The following SLC2A14 variants were observed in gnomAD, a reference collection of about 807,000 sequenced individuals.
SLC2A14 encodes the protein solute carrier family 2 member 14, also known as solute carrier family 2, facilitated glucose transporter member 14.
In SLC2A14, 13 loss-of-function variants were observed where a neutral mutation model predicts 43.0. The ratio of observed to expected loss-of-function variants is 0.30; its 90% CI spans 0.20 to 0.48. SLC2A14 has a LOEUF of 0.48. SLC2A14 is among the 20% of genes least tolerant of loss of function. The probability of loss-of-function intolerance (pLI) is 0.99; values close to 1 mark genes in which losing one functional copy is unlikely to be tolerated. For missense variants in SLC2A14, 428 were observed against 620.4 expected (o/e 0.69, Z 3.29); for synonymous variants, 190 against 233.8 (o/e 0.81, Z 1.71).
chr12:7,877,996 C>G (rs1454318702), upstream of SLC2A14, among the ~76,000 whole-genome samples: 1 of 152,158 alleles, frequency 6.6e-6, no homozygotes, highest in Non-Finnish European at 1.5e-5. Flanking sequence ...CTGCCTCAGC[C>G]TCCAAAAGTG....
chr12:7,882,544 T>A (rs1945603441), intron 1 of SLC2A14, among the ~76,000 whole-genome samples: 1 of 151,982 alleles, frequency 6.6e-6, no homozygotes, highest in Admixed American at 6.6e-5. Context: ...AGATATTTAT[T>A]TGAGGCTAGC....
At chr12:7,876,908 AT>A (rs925281677), upstream of SLC2A14, among the ~76,000 whole-genome samples, 9 of 150,460 alleles carry the variant, frequency 6.0e-5, no homozygotes, top group East Asian at 3.9e-4. Context: ...AGTTCATATA[AT>A]TTTTTTTTCT....
rs139157880 is a variant in SLC2A14 at position 7,828,838 on chromosome 12, G to C, written c.542C>G (p.Ser181Cys). The change falls in exon 6 of 11, where the codon TCT becomes TGT. Residue 181 changes from serine to cysteine, a missense_variant. Coordinates refer to ENST00000431042, the MANE Select transcript of SLC2A14 (RefSeq NM_001286234.2). ...TAATAGCACCGGCCATAGCTCTTCA[G>C]ACCCAAGGATGAGTTCCAGACCAAA... ...QIFGLELILGSEELWPVLLGF... is the reference protein window; with the variant it reads ...QIFGLELILGCEELWPVLLGF... The C allele has an allele frequency of 6.2e-7, 1 of 1,614,126 alleles. No homozygotes were observed. The highest frequency in any genetic ancestry group is 2.2e-5 in the East Asian group (1 of 44,880).
In SLC2A14 at chr12:7,816,355, C is replaced by T. The variant is rs1177531249; in HGVS notation, c.1275+1476G>A. On this transcript the variant is annotated intron_variant, in intron 10 of 10. Transcript: ENST00000431042. ...TCCTGACCTCATGATCCACCCGCCTCGGCCTCCCAAAGTGCTGGGATTACA... is the reference window on the plus strand; with the variant it reads ...TCCTGACCTCATGATCCACCCGCCTTGGCCTCCCAAAGTGCTGGGATTACA... Among the ~76,000 whole-genome samples the T allele has an allele frequency of 4.2e-5, 2 of 47,888 alleles. 1 individual carries two copies. Among genetic ancestry groups the T allele is most frequent in the Non-Finnish European group, 8.1e-5 (2 of 24,626 alleles). 31.4% of individuals were successfully genotyped at this position (47,888 alleles called of 152,430 possible).
At chr12:7,875,099 A>AATAGTTAAAT (rs1565585582), upstream of SLC2A14, among the ~76,000 whole-genome samples, 1 of 15,178 alleles carries the variant, frequency 6.6e-5, no homozygotes, top group Non-Finnish European at 1.9e-4. Context: ...TTTAAATTTA[A>AATAGTTAAAT]ATATTTAAAT....
At chr12:7,879,606 C>T (rs572460279) in intron 1 of SLC2A14, among the ~76,000 whole-genome samples, 1 of 151,928 alleles carries the variant, frequency 6.6e-6, no homozygotes, top group Non-Finnish European at 1.5e-5. Context: ...ATCGCTTGAA[C>T]CCTGGAGGTG....
At chr12:7,830,276 C>T (rs111375076) in intron 4 of SLC2A14, among the ~76,000 whole-genome samples, 10 of 152,014 alleles carry the variant, frequency 6.6e-5, no homozygotes, top group Non-Finnish European at 1.0e-4. Context: ...CTCATACTCC[C>T]GAGTAGCTGG....
intron 1 of SLC2A14, among the ~76,000 whole-genome samples, chr12:7,883,570 T>C (rs1301749797): frequency 2.4e-5 from 3 of 126,914 alleles, no homozygotes; most frequent in Admixed American, 1.7e-4. Flanking sequence ...CCGGCCTCTT[T>C]TTCTTTTTCT....
chr12:7,866,469 A>G lies in SLC2A14; in HGVS notation c.18+3394T>C, dbSNP rs373855441. On this transcript the variant is annotated intron_variant, in intron 2 of 10. Coordinates refer to ENST00000431042, the MANE Select transcript of SLC2A14 (RefSeq NM_001286234.2). ...AACCTCCACCTCCTGGGTTCAAGCT[A>G]TTGTCCTGCCTCAGCCTCCCAAGTA... is the stretch of plus-strand genomic sequence containing the variant. Among the ~76,000 whole-genome samples, 4 of 151,980 alleles carry G rather than the reference A, an allele frequency of 2.6e-5. No homozygotes were observed. In the East Asian group the frequency reaches 5.9e-4, roughly 22 times the overall value.
intron 2 of SLC2A14, among the ~76,000 whole-genome samples, chr12:7,839,379 G>C (rs1035412094): frequency 6.6e-6 from 1 of 151,740 alleles, no homozygotes; most frequent in Non-Finnish European, 1.5e-5. Context: ...TGCTTGGCAG[G>C]GTGTCAAAAG....
intron 10 of SLC2A14, among the ~76,000 whole-genome samples, chr12:7,814,999 CAT>C (rs1863307854): frequency 6.6e-6 from 1 of 151,874 alleles, no homozygotes; most frequent in South Asian, 2.1e-4. Context: ...GGGGTTTCAC[CAT>C]ATTGGCCAGG....
chr12:7,887,152 T>A (rs1945701345), intron 1 of SLC2A14, among the ~76,000 whole-genome samples: 1 of 152,036 alleles, frequency 6.6e-6, no homozygotes, highest in Admixed American at 6.6e-5. Context: ...CCTCTGGTGA[T>A]CCACCAACCT....
intron 3 of SLC2A14, 75 bp from the exon 4 acceptor site, chr12:7,831,839 T>G: frequency 6.4e-7 from 1 of 1,572,884 alleles, no homozygotes; most frequent in Admixed American, 1.7e-5. Flanking sequence ...CTGGGTGCAG[T>G]GGCTCACGCC....
intron 1 of SLC2A14, among the ~76,000 whole-genome samples, chr12:7,881,083 A>G (rs1376200180): frequency 6.6e-6 from 1 of 152,078 alleles, no homozygotes; most frequent in Non-Finnish European, 1.5e-5. Flanking sequence ...AGGTTGCAGT[A>G]AGCCGAAATC....
intron 8 of SLC2A14, among the ~76,000 whole-genome samples, chr12:7,820,678 G>A (rs1321241171): frequency 6.6e-6 from 1 of 151,968 alleles, no homozygotes; most frequent in Non-Finnish European, 1.5e-5. Flanking sequence ...CCAATTCCAA[G>A]TTCAAAACAT....
intron 2 of SLC2A14, among the ~76,000 whole-genome samples, chr12:7,840,548 G>C (rs908070559): frequency 6.7e-6 from 1 of 148,362 alleles, no homozygotes; most frequent in African/African-American, 2.6e-5. Context: ...CCCACACCCA[G>C]CTAATTTTTG....
intron 3 of SLC2A14, among the ~76,000 whole-genome samples, chr12:7,832,519 G>T (rs868448767): frequency 1.8e-4 from 28 of 152,234 alleles, no homozygotes; most frequent in African/African-American, 2.9e-4. Context: ...TCCCCTAGTT[G>T]GGGGAGGGAC....
At chr12:7,835,761 C>CTAG (rs1314745433) in intron 2 of SLC2A14, among the ~76,000 whole-genome samples, 3 of 152,184 alleles carry the variant, frequency 2.0e-5, no homozygotes, top group African/African-American at 7.2e-5. Context: ...ACACAAAAAG[C>CTAG]TAGTAACTGC....
At chr12:7,821,183 C>A (rs766839223) in intron 8 of SLC2A14, 38 bp downstream of exon 8, 29 of 1,501,444 alleles carry the variant, frequency 1.9e-5, no homozygotes, top group Non-Finnish European at 2.5e-5. Flanking sequence ...AGCAAGGATT[C>A]ATTTCTCCCC....
Sources: gnomAD v4.1 joint callset for allele counts (sites outside exome capture counted in the v4.1 genomes callset) on GRCh38, gnomAD v4.1.1 for gene constraint, MANE v1.5 for transcripts, NCBI Gene and HGNC (gene_info 2026-07-23, HGNC 2026-07-21) for gene names.